GNA14: variants seen among roughly 807,000 people sequenced by gnomAD.
The protein encoded by GNA14 is G protein subunit alpha 14.
In GNA14, 50 loss-of-function variants were observed where a neutral mutation model predicts 42.0. The observed-to-expected ratio is 1.19, with a 90% CI of 0.95 to 1.51. The LOEUF is 1.51. Among genes scored for constraint, GNA14 ranks in the 40% most tolerant of loss-of-function variants. The pLI is 0.00. For missense variants in GNA14, 473 were observed against 446.2 expected (o/e 1.06, Z -0.54); for synonymous variants, 173 against 163.1 (o/e 1.06, Z -0.46).
chr9:77,476,133 G>A (rs889973892), intron 2 of GNA14, among the ~76,000 whole-genome samples: 8 of 152,198 alleles, frequency 5.3e-5, no homozygotes, highest in African/African-American at 1.9e-4. Flanking sequence ...TTTAAACAGG[G>A]GAGGGATGTG....
chr9:77,534,210 A>G (rs1837566176), intron 1 of GNA14, among the ~76,000 whole-genome samples: 1 of 152,360 alleles, frequency 6.6e-6, no homozygotes, highest in Admixed American at 6.5e-5. Context: ...AATAATACAC[A>G]TGAATTATCA....
At chr9:77,601,710 A>G (rs547913981) in intron 1 of GNA14, among the ~76,000 whole-genome samples, 1 of 152,372 alleles carries the variant, frequency 6.6e-6, no homozygotes, top group East Asian at 1.9e-4. Context: ...GAAAGAATAC[A>G]TAAGCTACCT....
At chr9:77,439,820 T>C (rs1231636987) in intron 2 of GNA14, among the ~76,000 whole-genome samples, 1 of 152,056 alleles carries the variant, frequency 6.6e-6, no homozygotes, top group Non-Finnish European at 1.5e-5. Flanking sequence ...ATTTAAGGCT[T>C]GCTTCATCTC....
At chr9:77,439,652 G>T (rs1014927998) in intron 2 of GNA14, among the ~76,000 whole-genome samples, 2 of 142,258 alleles carry the variant, frequency 1.4e-5, no homozygotes, top group Non-Finnish European at 3.1e-5. Context: ...TAATAATAAT[G>T]ATGATGACCC....
intron 1 of GNA14, among the ~76,000 whole-genome samples, chr9:77,622,259 G>T (rs1039506295): frequency 1.3e-5 from 2 of 152,238 alleles, no homozygotes; most frequent in East Asian, 3.9e-4. Flanking sequence ...ACAACAAGAA[G>T]AAATGAGCTC....
chr9:77,466,342 CTCTT>C (rs1476230224), intron 2 of GNA14, among the ~76,000 whole-genome samples: 3 of 152,146 alleles, frequency 2.0e-5, no homozygotes, highest in African/African-American at 7.2e-5. Context: ...CTCGTTATCT[CTCTT>C]TAAGTTCACA....
At chr9:77,488,784 TAA>T (rs67416479) in intron 2 of GNA14, among the ~76,000 whole-genome samples, 20,452 of 53,964 alleles carry the variant, frequency 0.38, 2,226 homozygotes, top group East Asian at 0.59. Flanking sequence ...CACACCTAAT[TAA>T]AAAAAAAAAA....
chr9:77,624,681 C>A (rs1412185858), intron 1 of GNA14, among the ~76,000 whole-genome samples: 1 of 152,088 alleles, frequency 6.6e-6, no homozygotes, highest in Non-Finnish European at 1.5e-5. Flanking sequence ...GCAGAGGGGC[C>A]TGACTGTTAG....
At chr9:77,455,913 C>T (rs1242768452) in intron 2 of GNA14, among the ~76,000 whole-genome samples, 2 of 152,204 alleles carry the variant, frequency 1.3e-5, no homozygotes, top group Non-Finnish European at 2.9e-5. Context: ...CCCTGCCCAG[C>T]CTCACTCTTT....
At chr9:77,634,704 GAACC>G (rs1161323554) in intron 1 of GNA14, among the ~76,000 whole-genome samples, 2 of 152,024 alleles carry the variant, frequency 1.3e-5, no homozygotes, top group African/African-American at 4.8e-5. Flanking sequence ...TTCCTTTTAT[GAACC>G]TTCTTAGACA....
intron 2 of GNA14, among the ~76,000 whole-genome samples, chr9:77,497,554 G>T (rs374387185): frequency 7.2e-5 from 11 of 152,072 alleles, no homozygotes; most frequent in African/African-American, 2.4e-4. Flanking sequence ...CACTATTGGC[G>T]CATTTTACAA....
rs140919849 is a variant in GNA14 at position 77,444,983 on chromosome 9, GA to G, written c.310-10462del. On this transcript the variant is annotated intron_variant, in intron 2 of 6. Coordinates refer to ENST00000341700, the MANE Select transcript of GNA14 (RefSeq NM_004297.4). ...ATAGGCCCTAACCTTGAGGATTTCA[GA>G]ATTACAGCTATCCTTTTGAGTAGGA... 4.7e-3 allele frequency among the ~76,000 whole-genome samples: 718 copies of G among 152,290 alleles called. 3 individuals are homozygous for G. The highest frequency in any genetic ancestry group is 0.016 in the African/African-American group (682 of 41,560).
At chr9:77,460,407 G>C (rs1836083877) in intron 2 of GNA14, among the ~76,000 whole-genome samples, 1 of 152,220 alleles carries the variant, frequency 6.6e-6, no homozygotes, top group Non-Finnish European at 1.5e-5. Context: ...GCTCCAGGGG[G>C]AACCAGCCCT....
chr9:77,605,696 C>T (rs1176340170), intron 1 of GNA14, among the ~76,000 whole-genome samples: 3 of 152,112 alleles, frequency 2.0e-5, no homozygotes, highest in Admixed American at 2.0e-4. Context: ...CCGACAAAGA[C>T]CTATCCAACT....
chr9:77,427,608 G>A (rs142590457), intron 5 of GNA14, among the ~76,000 whole-genome samples: 122 of 152,332 alleles, frequency 8.0e-4, no homozygotes, highest in African/African-American at 1.9e-3. Flanking sequence ...AAAAGATGAC[G>A]AGGAGGACAT....
At chr9:77,534,601 C>T (rs954464546) in intron 1 of GNA14, among the ~76,000 whole-genome samples, 3 of 152,158 alleles carry the variant, frequency 2.0e-5, no homozygotes, top group Non-Finnish European at 4.4e-5. Flanking sequence ...CTCAGTTTTG[C>T]ATGAGACAAT....
At chr9:77,530,522 G>T (rs967798809) in intron 1 of GNA14, among the ~76,000 whole-genome samples, 24 of 152,104 alleles carry the variant, frequency 1.6e-4, no homozygotes, top group African/African-American at 5.6e-4. Context: ...GAAAACAGAC[G>T]AATACAATTA....
chr9:77,438,430 G>T (rs1564014121), intron 2 of GNA14, among the ~76,000 whole-genome samples: 1 of 151,954 alleles, frequency 6.6e-6, no homozygotes, highest in Non-Finnish European at 1.5e-5. Flanking sequence ...ACCACCCCTG[G>T]CTAATTTTTG....
chr9:77,466,819 G>A (rs752592810), intron 2 of GNA14, among the ~76,000 whole-genome samples: 2 of 152,122 alleles, frequency 1.3e-5, no homozygotes, highest in Non-Finnish European at 2.9e-5. Flanking sequence ...TAGGGACTCT[G>A]TGTGACTAAC....
Sources: gnomAD v4.1 joint callset for allele counts (sites outside exome capture counted in the v4.1 genomes callset) on GRCh38, gnomAD v4.1.1 for gene constraint, MANE v1.5 for transcripts, NCBI Gene and HGNC (gene_info 2026-07-23, HGNC 2026-07-21) for gene names.